Variants in VAV3 observed in about 807,000 individuals in gnomAD.
The protein encoded by VAV3 is guanine nucleotide exchange factor VAV3.
In VAV3, 94 loss-of-function variants were observed where a neutral mutation model predicts 131.2. The ratio of observed to expected loss-of-function variants is 0.72; its 90% CI spans 0.61 to 0.85. The LOEUF is 0.85. Among genes scored for constraint, VAV3 ranks in the 40% least tolerant of loss-of-function variants. The probability of loss-of-function intolerance (pLI) is 0.00; values close to 1 mark genes in which losing one functional copy is unlikely to be tolerated. For synonymous variants in VAV3, 349 were observed against 342.0 expected, an observed-to-expected ratio of 1.02 and a Z score of -0.22; for missense variants, 939 against 1,002.7, an observed-to-expected ratio of 0.94 and a Z score of 0.86.
intron 2 of VAV3, among the ~76,000 whole-genome samples, chr1:107,792,548 A>G (rs1666349977): frequency 6.6e-6 from 1 of 152,200 alleles, no homozygotes; most frequent in Non-Finnish European, 1.5e-5. Flanking sequence ...TAGAGTGGGA[A>G]GGCCCATTAC....
chr1:107,816,081 C>T (rs1200088928), intron 2 of VAV3, among the ~76,000 whole-genome samples: 1 of 152,190 alleles, frequency 6.6e-6, no homozygotes, highest in African/African-American at 2.4e-5. Flanking sequence ...CGCTCATCCA[C>T]CCCTCACCTC....
At chr1:107,719,914 A>G (rs1438572087) in intron 15 of VAV3, among the ~76,000 whole-genome samples, 1 of 152,240 alleles carries the variant, frequency 6.6e-6, no homozygotes, top group Non-Finnish European at 1.5e-5. Flanking sequence ...TTGTAGCAAC[A>G]TGGATGAAGC....
At chr1:107,613,034 A>G (rs995403244) in intron 21 of VAV3, among the ~76,000 whole-genome samples, 2 of 152,114 alleles carry the variant, frequency 1.3e-5, no homozygotes, top group African/African-American at 4.8e-5. Context: ...CACAAGTTAT[A>G]GTTATGTGTG....
intron 24 of VAV3, among the ~76,000 whole-genome samples, chr1:107,601,452 A>G (rs544782443): frequency 5.7e-4 from 87 of 152,310 alleles, no homozygotes; most frequent in Non-Finnish European, 1.0e-3. Flanking sequence ...CACTCAGTTT[A>G]ACTTTAATGT....
At position 107,705,061 on chromosome 1, in the gene VAV3, C is replaced by T. The variant is rs1660359263; in HGVS notation, c.1503G>A (p.Leu501=). Residue 501 remains leucine, a splice_region_variant and synonymous_variant, in exon 16 of 27, where the codon TTG becomes TTA. Coordinates refer to ENST00000370056, the MANE Select transcript of VAV3 (RefSeq NM_006113.5). ...CTGCATAGTCTGGTCTTATGTTAGA[C>T]CTAAAAAAAGGAAAAAAATAACTTT... is the stretch of plus-strand genomic sequence containing the variant. ...KKWLEQFEMA[L]SNIRPDYADS... 6.2e-7 allele frequency: 1 copy of T among 1,600,386 alleles called. No individual in the cohort carries two copies. The highest frequency in any genetic ancestry group is 8.5e-7 in the Non-Finnish European group (1 of 1,169,788).
At chr1:107,906,471 T>C (rs1231914796) in intron 1 of VAV3, among the ~76,000 whole-genome samples, 2 of 152,224 alleles carry the variant, frequency 1.3e-5, no homozygotes, top group Middle Eastern at 6.8e-3. Flanking sequence ...GAGACCATCC[T>C]GGCTAACACC....
intron 1 of VAV3, among the ~76,000 whole-genome samples, chr1:107,886,499 T>A (rs1671045098): frequency 6.6e-6 from 1 of 152,222 alleles, no homozygotes; most frequent in Non-Finnish European, 1.5e-5. Context: ...TGGCAGGATG[T>A]CATTCCTCAG....
chr1:107,854,897 A>T (rs1669398360), intron 2 of VAV3, among the ~76,000 whole-genome samples: 1 of 152,224 alleles, frequency 6.6e-6, no homozygotes, highest in African/African-American at 2.4e-5. Context: ...TCACATAATA[A>T]TCCCACAATG....
At chr1:107,753,515 T>TATACATACACAC (rs1663889221) in intron 12 of VAV3, among the ~76,000 whole-genome samples, 1 of 42,462 alleles carries the variant, frequency 2.4e-5, no homozygotes, top group African/African-American at 8.6e-5. Flanking sequence ...TATACACACA[T>TATACATACACAC]ATATATATAT....
intron 2 of VAV3, among the ~76,000 whole-genome samples, chr1:107,864,503 G>A (rs774229756): frequency 1.6e-4 from 25 of 152,136 alleles, no homozygotes; most frequent in Non-Finnish European, 1.2e-4. Flanking sequence ...TGCACCTGTA[G>A]TCCCAGCTAC....
intron 1 of VAV3, among the ~76,000 whole-genome samples, chr1:107,906,807 A>G (rs1672132031): frequency 6.6e-6 from 1 of 152,202 alleles, no homozygotes; most frequent in South Asian, 2.1e-4. Context: ...GCAGGGTGAG[A>G]AGGAAGAAGG....
chr1:107,576,296 A>C, intron 25 of VAV3: 1 of 984,212 alleles, frequency 1.0e-6, no homozygotes. Flanking sequence ...GTCTGTGAGG[A>C]GATGTATCCG....
intron 1 of VAV3, among the ~76,000 whole-genome samples, chr1:107,944,345 G>C (rs1319694272): frequency 6.6e-6 from 1 of 152,118 alleles, no homozygotes; most frequent in Non-Finnish European, 1.5e-5. Flanking sequence ...AGGTAAGTAA[G>C]TCTCAAAGAG....
intron 21 of VAV3, among the ~76,000 whole-genome samples, chr1:107,611,258 T>C (rs1193259538): frequency 1.3e-5 from 2 of 152,180 alleles, no homozygotes; most frequent in Non-Finnish European, 2.9e-5. Context: ...ACTCAAACTG[T>C]ATCAAAAATC....
At chr1:107,619,185 CACAGACTTA>C (rs1364336583) in intron 20 of VAV3, among the ~76,000 whole-genome samples, 2 of 152,134 alleles carry the variant, frequency 1.3e-5, no homozygotes, top group Non-Finnish European at 2.9e-5. Context: ...ATCCATACAA[CACAGACTTA>C]GATGACTTAG....
At chr1:107,868,696 G>A (rs574412914) in intron 2 of VAV3, among the ~76,000 whole-genome samples, 8 of 152,204 alleles carry the variant, frequency 5.3e-5, no homozygotes, top group East Asian at 1.9e-4. Flanking sequence ...TTGCATATAC[G>A]ATAGGAGATG....
Position 107,874,989 on chromosome 1 carries a change from A to T in VAV3, c.233T>A (p.Phe78Tyr). The change falls in exon 2 of 27, where the codon TTT (phenylalanine) becomes TAT (tyrosine). Residue 78 changes from phenylalanine to tyrosine, a missense_variant. Phe to Tyr is a conservative substitution (Grantham distance 22). Coordinates refer to ENST00000370056, the MANE Select transcript of VAV3 (RefSeq NM_006113.5). Reference sequence around the variant, plus strand: ...AAACGTCTCACAACAGGCCGTGAGAAATGTCCTTATGTTCTTCAAACAGAG... The same window carrying T: ...AAACGTCTCACAACAGGCCGTGAGATATGTCCTTATGTTCTTCAAACAGAG... ...QFLCLKNIRT[F>Y]LTACCETFGM... The T allele has an allele frequency of 6.2e-7, 1 of 1,613,374 alleles. No homozygotes were observed. The highest frequency in any genetic ancestry group is 8.5e-7 in the Non-Finnish European group (1 of 1,179,486).
chr1:107,749,008 C>G lies in VAV3; in HGVS notation c.1462G>C (p.Asp488His). Residue 488 changes from aspartate to histidine, a missense_variant, in exon 15 of 27, where the codon GAT becomes CAT. Coordinates refer to ENST00000370056, the MANE Select transcript of VAV3 (RefSeq NM_006113.5). ...TGTTCTAGCCATTTCTTCTTTAAAT[C>G]TTTTGTTTTGCAATAAAATTCTAAC... ...NGLEFYCKTK[D>H]LKKKWLEQFE... 7 of 1,612,138 alleles carry G rather than the reference C, an allele frequency of 4.3e-6. No individual in the cohort carries two copies. Among genetic ancestry groups the G allele is most frequent in the Non-Finnish European group, 5.9e-6 (7 of 1,179,130 alleles).
At chr1:107,913,533 G>A (rs1326049514) in intron 1 of VAV3, among the ~76,000 whole-genome samples, 1 of 152,200 alleles carries the variant, frequency 6.6e-6, no homozygotes, top group Non-Finnish European at 1.5e-5. Context: ...CAAAAGGAAG[G>A]AAATGCATTG....
Sources: gnomAD v4.1 joint callset for allele counts (sites outside exome capture counted in the v4.1 genomes callset) on GRCh38, gnomAD v4.1.1 for gene constraint, MANE v1.5 for transcripts, NCBI Gene and HGNC (gene_info 2026-07-23, HGNC 2026-07-21) for gene names.